ACO1: variants seen among roughly 807,000 people sequenced by gnomAD.
ACO1 encodes the protein cytoplasmic aconitate hydratase.
A neutral mutation model predicts 105.1 loss-of-function variants in ACO1; 78 were observed. The observed-to-expected ratio is 0.74, with a 90% confidence interval of 0.62 to 0.90. The LOEUF (loss-of-function observed/expected upper bound fraction) is 0.90, where lower values mean the gene tolerates loss of function less well. ACO1 is among the 40% of genes least tolerant of loss of function. ACO1 has a pLI of 0.00. For missense variants in ACO1, 965 were observed against 1,111.1 expected, an observed-to-expected ratio of 0.87 and a Z score of 1.87; for synonymous variants, 364 against 397.4, an observed-to-expected ratio of 0.92 and a Z score of 1.00.
intron 4 of ACO1, among the ~76,000 whole-genome samples, chr9:32,413,577 ATCTC>A (rs992264125): frequency 9.9e-5 from 15 of 151,850 alleles, no homozygotes; most frequent in Middle Eastern, 6.8e-3. Flanking sequence ...TAACCTCATG[ATCTC>A]TCTCCTCATT....
At chr9:32,414,447 T>G (rs987176702) in intron 4 of ACO1, among the ~76,000 whole-genome samples, 2 of 152,248 alleles carry the variant, frequency 1.3e-5, no homozygotes, top group African/African-American at 2.4e-5. Context: ...ACTAGGCTAA[T>G]TGAGCCAAGC....
chr9:32,405,733 A>G, intron 2 of ACO1, 130 bp downstream of exon 2: 1 of 645,422 alleles, frequency 1.5e-6, no homozygotes, highest in South Asian at 2.1e-5. Flanking sequence ...GATTAAGTGC[A>G]CAAGCACTCA....
At position 32,419,145 on chromosome 9, in the gene ACO1, A is replaced by G. The variant is rs1278613474; in HGVS notation, c.766A>G (p.Thr256Ala). Residue 256 changes from threonine (T) to alanine (A), a missense_variant, in exon 7 of 21, where the codon ACA (threonine) becomes GCA (alanine). Physicochemically the swap from Thr to Ala is moderately conservative, Grantham distance 58. Transcript: ENST00000309951. ...GATGGGGAAGCCCCACCCTCTGGTAACATCCACTGACATCGTGCTCACCAT... is the reference window on the plus strand; with the variant it reads ...GATGGGGAAGCCCCACCCTCTGGTAGCATCCACTGACATCGTGCTCACCAT... ...RLMGKPHPLV[T>A]STDIVLTITK... is the part of the protein sequence containing the mutation. The G allele has an allele frequency of 6.2e-7, 1 of 1,603,566 alleles. No homozygotes were observed. Among genetic ancestry groups the G allele is most frequent in the African/African-American group, 1.3e-5 (1 of 74,418 alleles).
At position 32,448,883 on chromosome 9, in the gene ACO1, C is replaced by T; in HGVS notation, c.2371-13C>T. The T allele has an allele frequency of 1.2e-6, 2 of 1,614,122 alleles. No homozygotes were observed. Among genetic ancestry groups the T allele is most frequent in the South Asian group, 2.2e-5 (2 of 91,060 alleles). On this transcript the variant is annotated splice_polypyrimidine_tract_variant and intron_variant, in intron 19 of 20. Coordinates refer to ENST00000309951, the MANE Select transcript of ACO1 (RefSeq NM_002197.3). ...ATTGGAAGTATGTCTAAACTACTGT[C>T]TTTATTCATCAGGGAATCAAAGCCG...
intron 4 of ACO1, among the ~76,000 whole-genome samples, chr9:32,410,950 C>G (rs1235901550): frequency 2.6e-5 from 4 of 152,174 alleles, no homozygotes; most frequent in Non-Finnish European, 5.9e-5. Context: ...GCCGGGACAA[C>G]TCTGTTCCAT....
rs76025228 is a variant in ACO1 at position 32,388,839 on chromosome 9, G to A, written c.-23+4104G>A. Among the ~76,000 whole-genome samples, 484 of 152,206 alleles carry A rather than the reference G, an allele frequency of 3.2e-3. 1 individual carries two copies. Among genetic ancestry groups the A allele is most frequent in the Non-Finnish European group, 5.4e-3 (367 of 68,004 alleles). On this transcript the variant is annotated intron_variant, in intron 1 of 20. Transcript: ENST00000309951. ...ATTCATATATTGCTTTTACAACATA[G>A]TAAACCTAAAATCCCAACAACGTAT...
chr9:32,407,465 C>G (rs746661730), intron 3 of ACO1, 36 bp downstream of exon 3: 27 of 1,570,956 alleles, frequency 1.7e-5, no homozygotes, highest in East Asian at 4.5e-5. Context: ...CTTTGCCTCC[C>G]TCATTAGCCT....
At chr9:32,422,437 G>A (rs1821995429) in intron 8 of ACO1, among the ~76,000 whole-genome samples, 1 of 152,188 alleles carries the variant, frequency 6.6e-6, no homozygotes, top group Non-Finnish European at 1.5e-5. Context: ...TGTGCTGAGA[G>A]CTAATGACGT....
intron 1 of ACO1, among the ~76,000 whole-genome samples, chr9:32,392,224 A>C (rs1338165233): frequency 6.6e-6 from 1 of 152,048 alleles, no homozygotes; most frequent in African/African-American, 2.4e-5. Context: ...GCCTGTTGGG[A>C]GGAGCATGGT....
At chr9:32,407,174 A>G (rs1285572087) in intron 2 of ACO1, 87 bp from the exon 3 acceptor site, 2 of 1,229,468 alleles carry the variant, frequency 1.6e-6, no homozygotes, top group Non-Finnish European at 2.3e-6. Flanking sequence ...CTGATGCCTC[A>G]TATCAACTTT....
intron 10 of ACO1, 129 bp from the exon 11 acceptor site, chr9:32,425,709 T>C: frequency 1.8e-6 from 1 of 560,760 alleles, no homozygotes; most frequent in Non-Finnish European, 2.8e-6. Flanking sequence ...TTTAAAATTA[T>C]AGTTACCAAA....
At chr9:32,400,238 T>A (rs1313618149) in intron 1 of ACO1, among the ~76,000 whole-genome samples, 1 of 152,156 alleles carries the variant, frequency 6.6e-6, no homozygotes, top group Non-Finnish European at 1.5e-5. Context: ...CCTAAAGTGC[T>A]GGGATTACAG....
Position 32,431,096 on chromosome 9 carries a change from T to C in ACO1, c.1726+522T>C, listed in dbSNP as rs147626023. Among the ~76,000 whole-genome samples the C allele has an allele frequency of 2.0e-3, 312 of 152,354 alleles. 4 individuals are homozygous for C. The highest frequency in any genetic ancestry group is 7.2e-3 in the African/African-American group (300 of 41,584). The stretch of plus-strand genomic sequence containing the variant: ...TGATCCTCGTTATTTGTGAGTTCTA[T>C]GTTTGCAGATTTGCGTAGTCACTAA... On this transcript the variant is annotated intron_variant, in intron 14 of 20. Coordinates refer to ENST00000309951, the MANE Select transcript of ACO1 (RefSeq NM_002197.3).
At chr9:32,434,764 A>G in intron 17 of ACO1, 63 bp downstream of exon 17, 1 of 1,581,210 alleles carries the variant, frequency 6.3e-7, no homozygotes, top group Non-Finnish European at 8.7e-7. Context: ...TAATGAGGCC[A>G]GCATTTCTCT....
intron 15 of ACO1, among the ~76,000 whole-genome samples, chr9:32,432,878 T>C (rs1822270576): frequency 6.6e-6 from 1 of 152,156 alleles, no homozygotes; most frequent in Non-Finnish European, 1.5e-5. Context: ...TAAGATGTCA[T>C]CTGGGGCTGC....
chr9:32,429,676 C>T (rs1822182648), intron 13 of ACO1, among the ~76,000 whole-genome samples, 173 bp downstream of exon 13: 1 of 152,172 alleles, frequency 6.6e-6, no homozygotes, highest in Non-Finnish European at 1.5e-5. Context: ...AGTTAATTAA[C>T]CTATCTGTGC....
At chr9:32,414,464 T>A (rs1294815966) in intron 4 of ACO1, among the ~76,000 whole-genome samples, 1 of 152,222 alleles carries the variant, frequency 6.6e-6, no homozygotes, top group African/African-American at 2.4e-5. Flanking sequence ...AAGCTCCATA[T>A]AATAGATGTT....
intron 1 of ACO1, among the ~76,000 whole-genome samples, chr9:32,385,479 T>C (rs1011785535): frequency 2.0e-5 from 3 of 152,350 alleles, no homozygotes; most frequent in South Asian, 4.1e-4. Flanking sequence ...ATTTATAATA[T>C]GTAAGTAAGA....
At position 32,452,379 on chromosome 9, in the gene ACO1, A is replaced by C. The variant is rs929970867; in HGVS notation, c.*2268A>C. 7 of 152,348 alleles carry C rather than the reference A, an allele frequency of 4.6e-5. No individual in the cohort carries two copies. The highest frequency in any genetic ancestry group is 2.1e-4 in the South Asian group (1 of 4,818). The allele number at this position is 152,348 out of a possible 1,614,324, so 9.4% of individuals were successfully genotyped here. On this transcript the variant is annotated 3_prime_UTR_variant, in exon 21 of 21. Coordinates refer to ENST00000309951, the MANE Select transcript of ACO1 (RefSeq NM_002197.3). Reference sequence around the variant, plus strand: ...GGGTAGTGCCTTTTAAAAGAGACTCAAGATAAGATAGAGACCCCCTCATTT... The same window carrying C: ...GGGTAGTGCCTTTTAAAAGAGACTCCAGATAAGATAGAGACCCCCTCATTT...
Sources: gnomAD v4.1 joint callset for allele counts (sites outside exome capture counted in the v4.1 genomes callset) on GRCh38, gnomAD v4.1.1 for gene constraint, MANE v1.5 for transcripts, NCBI Gene and HGNC (gene_info 2026-07-23, HGNC 2026-07-21) for gene names.